MAPK10: variants seen among roughly 807,000 people sequenced by gnomAD.
MAPK10 encodes the protein mitogen-activated protein kinase 10, also known as JNK3 alpha protein kinase.
Under a neutral mutation model 59.3 loss-of-function variants are expected in MAPK10, and 25 were observed. The observed-to-expected ratio is 0.42, with a 90% CI of 0.31 to 0.59. The LOEUF is 0.59. Ranked by LOEUF, MAPK10 falls within the 20% of genes least tolerant of loss-of-function variation. The probability of loss-of-function intolerance (pLI) is 0.15; values close to 1 mark genes in which losing one functional copy is unlikely to be tolerated. For synonymous variants in MAPK10, 190 were observed against 200.5 expected (o/e 0.95, Z 0.44); for missense variants, 351 against 568.9 (o/e 0.62, Z 3.90).
chr4:86,285,143 A>T (rs2094951265), intron 2 of MAPK10, among the ~76,000 whole-genome samples: 1 of 152,148 alleles, frequency 6.6e-6, no homozygotes. Context: ...TAGACCAGTA[A>T]TGTGCTAATT....
intron 9 of MAPK10, chr4:86,079,526 A>G (rs972928946): frequency 6.6e-6 from 1 of 152,194 alleles, no homozygotes; most frequent in African/African-American, 2.4e-5. Context: ...TCTGACCTCA[A>G]AAATGCTGGA....
At chr4:86,087,787 CAT>C (rs894482073) in intron 9 of MAPK10, among the ~76,000 whole-genome samples, 2 of 151,206 alleles carry the variant, frequency 1.3e-5, no homozygotes, top group Non-Finnish European at 2.9e-5. Context: ...TGTATGAAGC[CAT>C]ATATATATAT....
Position 86,535,677 on chromosome 4 carries a change from C to T in MAPK10, c.-263+58233G>A, listed in dbSNP as rs558509930. 3.3e-5 allele frequency among the ~76,000 whole-genome samples: 5 copies of T among 152,212 alleles called. No individual in the cohort carries two copies. The East Asian group carries it at 9.6e-4, about 29-fold the overall frequency. ...TTTTCTTCCTTTATATATAGACTCA[C>T]AGCCCAGTGTACATTTTATGCTATG... On this transcript the variant is annotated intron_variant, in intron 1 of 4. Transcript: ENST00000502302.
chr4:86,206,257 C>T (rs780238824), intron 2 of MAPK10, among the ~76,000 whole-genome samples: 18 of 151,664 alleles, frequency 1.2e-4, no homozygotes, highest in South Asian at 2.1e-4. Flanking sequence ...CGTGTGTTCG[C>T]ATTGTTCAAT....
In MAPK10 at chr4:86,085,944, T is replaced by A. The variant is rs552982451; in HGVS notation, c.802+12580A>T. 3.9e-5 allele frequency among the ~76,000 whole-genome samples: 6 copies of A among 152,154 alleles called. No homozygotes were observed. In the East Asian group the frequency reaches 9.7e-4, roughly 25 times the overall value. On this transcript the variant is annotated intron_variant, in intron 9 of 13. Transcript: ENST00000641462. ...GAAAGACAAACACTGCATGTTCTCATTTACAAGTGGGAGATGAACAATGAG... is the reference window on the plus strand; with the variant it reads ...GAAAGACAAACACTGCATGTTCTCAATTACAAGTGGGAGATGAACAATGAG...
At chr4:86,206,198 C>G (rs1438773116) in intron 2 of MAPK10, among the ~76,000 whole-genome samples, 2 of 151,578 alleles carry the variant, frequency 1.3e-5, no homozygotes, top group Admixed American at 1.3e-4. Context: ...CTCCCCCGTC[C>G]CCCCACCTCG....
At chr4:86,298,898 A>T (rs2095418185) in intron 2 of MAPK10, among the ~76,000 whole-genome samples, 1 of 152,196 alleles carries the variant, frequency 6.6e-6, no homozygotes, top group Non-Finnish European at 1.5e-5. Context: ...AATGGTTTGG[A>T]AAAAAATGAG....
At chr4:86,407,883 G>A (rs948110897) in intron 1 of MAPK10, among the ~76,000 whole-genome samples, 1 of 151,646 alleles carries the variant, frequency 6.6e-6, no homozygotes, top group Non-Finnish European at 1.5e-5. Context: ...ATTTCAGGCC[G>A]GGTGAGCAAA....
chr4:86,182,636 A>T (rs2077167796), intron 3 of MAPK10, among the ~76,000 whole-genome samples: 2 of 152,140 alleles, frequency 1.3e-5, no homozygotes, highest in African/African-American at 4.8e-5. Flanking sequence ...AAACCCCAAT[A>T]CATCATTCTG....
At chr4:86,244,865 T>C (rs1172610529) in intron 2 of MAPK10, among the ~76,000 whole-genome samples, 1 of 152,202 alleles carries the variant, frequency 6.6e-6, no homozygotes, top group Non-Finnish European at 1.5e-5. Context: ...CTGAGAAATT[T>C]TCTTTTTAAA....
At chr4:86,236,515 T>C (rs1325214448) in intron 2 of MAPK10, among the ~76,000 whole-genome samples, 1 of 152,238 alleles carries the variant, frequency 6.6e-6, no homozygotes, top group Non-Finnish European at 1.5e-5. Flanking sequence ...TTAAGGAGAC[T>C]GTGTTCCAAA....
chr4:86,519,363 A>G (rs1021044290), intron 1 of MAPK10, among the ~76,000 whole-genome samples: 1 of 152,342 alleles, frequency 6.6e-6, no homozygotes, highest in African/African-American at 2.4e-5. Flanking sequence ...TTATCATTAT[A>G]TAATGTCCCT....
chr4:86,322,546 C>G (rs2095920897), intron 2 of MAPK10, among the ~76,000 whole-genome samples: 1 of 152,176 alleles, frequency 6.6e-6, no homozygotes, highest in Non-Finnish European at 1.5e-5. Context: ...AGAGAAGAAG[C>G]GACAGTACCT....
chr4:86,368,858 A>C (rs1738320240), intron 1 of MAPK10, among the ~76,000 whole-genome samples: 1 of 147,406 alleles, frequency 6.8e-6, no homozygotes, highest in Non-Finnish European at 1.5e-5. Context: ...AATATCAAAG[A>C]AGATTAAGCC....
At chr4:86,502,323 G>A (rs577289795) in intron 1 of MAPK10, among the ~76,000 whole-genome samples, 6 of 151,864 alleles carry the variant, frequency 4.0e-5, no homozygotes, top group South Asian at 2.1e-4. Flanking sequence ...CCCCCAACTC[G>A]CTCCTGAAGT....
intron 1 of MAPK10, among the ~76,000 whole-genome samples, chr4:86,557,804 A>G (rs1760382860): frequency 6.6e-6 from 1 of 152,024 alleles, no homozygotes; most frequent in Admixed American, 6.6e-5. Context: ...GTGCAACAGG[A>G]GTCATATTTC....
chr4:86,554,109 C>T (rs577889036), intron 1 of MAPK10, among the ~76,000 whole-genome samples: 3 of 151,896 alleles, frequency 2.0e-5, no homozygotes, highest in African/African-American at 4.8e-5. Context: ...GGGCCTTTAA[C>T]GGGAAAGATT....
At chr4:86,428,304 T>G (rs893678021) in intron 1 of MAPK10, among the ~76,000 whole-genome samples, 2 of 152,066 alleles carry the variant, frequency 1.3e-5, no homozygotes, top group Non-Finnish European at 2.9e-5. Context: ...CCACCATGCC[T>G]GGCTAATTTT....
chr4:86,144,410 A>C (rs2064367540), intron 4 of MAPK10, among the ~76,000 whole-genome samples: 1 of 152,192 alleles, frequency 6.6e-6, no homozygotes, highest in South Asian at 2.1e-4. Flanking sequence ...TTGAGCAGAT[A>C]AAGCAAGAAT....
Sources: gnomAD v4.1 joint callset for allele counts (sites outside exome capture counted in the v4.1 genomes callset) on GRCh38, gnomAD v4.1.1 for gene constraint, MANE v1.5 for transcripts, NCBI Gene and HGNC (gene_info 2026-07-23, HGNC 2026-07-21) for gene names.